BARX2: variants seen among roughly 807,000 people sequenced by gnomAD.
BARX2 encodes homeobox protein BarH-like 2.
Under a neutral mutation model 25.5 loss-of-function variants are expected in BARX2, and 11 were observed. The observed-to-expected ratio is 0.43, with a 90% confidence interval of 0.27 to 0.71. The LOEUF is 0.71. BARX2 is among the 30% of genes least tolerant of loss of function. The pLI, the probability that BARX2 is intolerant of heterozygous loss-of-function variation, is 0.19. For missense variants in BARX2, 360 were observed against 359.9 expected (o/e 1.00, Z 0.00); for synonymous variants, 137 against 149.5 (o/e 0.92, Z 0.61).
chr11:129,447,221 GC>G (rs1862341464), intron 3 of BARX2, among the ~76,000 whole-genome samples: 2 of 152,146 alleles, frequency 1.3e-5, no homozygotes, highest in Admixed American at 1.3e-4. Context: ...GACATTCCCT[GC>G]CCCCTACCCA....
At chr11:129,375,736 G>C (rs867175602), upstream of BARX2, among the ~76,000 whole-genome samples, 183 of 152,164 alleles carry the variant, frequency 1.2e-3, no homozygotes, top group African/African-American at 4.2e-3. This position sits in a 1 kb window ranked among gnomAD's most constrained non-coding sequence, Gnocchi z 4.0. Context: ...GCGGGCGGGG[G>C]CGGGGTGGGC....
At chr11:129,432,449 T>C (rs2135409480) in intron 1 of BARX2, among the ~76,000 whole-genome samples, 1 of 152,350 alleles carries the variant, frequency 6.6e-6, no homozygotes, top group Non-Finnish European at 1.5e-5. Context: ...AAACATCTTT[T>C]GACATAAAGG....
chr11:129,387,114 C>T (rs779289534), intron 1 of BARX2, among the ~76,000 whole-genome samples: 12 of 152,186 alleles, frequency 7.9e-5, no homozygotes, highest in Non-Finnish European at 1.2e-4. Context: ...CGCAGATAGT[C>T]GCACACTCTG....
intron 1 of BARX2, among the ~76,000 whole-genome samples, chr11:129,427,384 T>A (rs1437897369): frequency 6.6e-6 from 1 of 151,996 alleles, no homozygotes; most frequent in Non-Finnish European, 1.5e-5. Context: ...TGTGGGTGAT[T>A]TTATGTTTTT....
At chr11:129,443,036 T>G (rs1307758651) in intron 3 of BARX2, 117 bp downstream of exon 3, 2 of 850,638 alleles carry the variant, frequency 2.4e-6, no homozygotes, top group African/African-American at 3.3e-5. Context: ...TGGAAGGCCT[T>G]CTATGCTGCT....
chr11:129,433,956 G>A (rs1396458559), intron 1 of BARX2, among the ~76,000 whole-genome samples: 1 of 152,132 alleles, frequency 6.6e-6, no homozygotes, highest in Non-Finnish European at 1.5e-5. Context: ...GTAGCCCATA[G>A]TAGATGCTCA....
intron 1 of BARX2, among the ~76,000 whole-genome samples, chr11:129,427,684 G>A (rs1256284874): frequency 2.0e-5 from 3 of 152,178 alleles, no homozygotes; most frequent in Admixed American, 2.0e-4. Flanking sequence ...GCCCACAGGA[G>A]GTGTGTGAGG....
At chr11:129,449,367 G>A (rs1862369106) in intron 3 of BARX2, among the ~76,000 whole-genome samples, 1 of 152,150 alleles carries the variant, frequency 6.6e-6, no homozygotes, top group Non-Finnish European at 1.5e-5. Context: ...GTAATGGAGA[G>A]AAGCAGGGTT....
chr11:129,433,000 A>G (rs951465410), intron 1 of BARX2, among the ~76,000 whole-genome samples: 1 of 152,022 alleles, frequency 6.6e-6, no homozygotes, highest in Non-Finnish European at 1.5e-5. Flanking sequence ...TGGTGATCTC[A>G]TGCAATCCCA....
intron 1 of BARX2, among the ~76,000 whole-genome samples, chr11:129,377,357 A>G (rs964873401): frequency 1.3e-4 from 20 of 152,266 alleles, no homozygotes; most frequent in Admixed American, 1.3e-3. Flanking sequence ...ATCAGTAAAC[A>G]TATGATAAAT....
intron 1 of BARX2, among the ~76,000 whole-genome samples, chr11:129,398,670 C>G (rs1460573938): frequency 1.3e-5 from 2 of 152,060 alleles, no homozygotes; most frequent in African/African-American, 2.4e-5. Context: ...AATTTAGAAC[C>G]CTGTGTTTGA....
In BARX2 at chr11:129,436,728, C is replaced by T. The variant is rs770770089; in HGVS notation, c.188-23C>T. ...TCCCCACACCGTTCCCTGTGGTGAC[C>T]TGCCTCCCTGCTTGTTTTCCAGGCT... On this transcript the variant is annotated intron_variant, in intron 1 of 3. Coordinates refer to ENST00000281437, the MANE Select transcript of BARX2 (RefSeq NM_003658.5). This position sits in a 1 kb window ranked among gnomAD's most constrained non-coding sequence, Gnocchi z 4.5. 35 of 1,541,890 alleles carry T rather than the reference C, an allele frequency of 2.3e-5. No individual in the cohort carries two copies. The highest frequency in any genetic ancestry group is 3.0e-5 in the Non-Finnish European group (34 of 1,139,670).
intron 1 of BARX2, among the ~76,000 whole-genome samples, chr11:129,411,939 C>A (rs1031961510): frequency 2.0e-5 from 3 of 152,168 alleles, no homozygotes; most frequent in African/African-American, 7.2e-5. Context: ...ATTTAACATG[C>A]AAAATTTAAG....
At chr11:129,386,674 T>G (rs1861618998) in intron 1 of BARX2, among the ~76,000 whole-genome samples, 1 of 152,218 alleles carries the variant, frequency 6.6e-6, no homozygotes, top group Non-Finnish European at 1.5e-5. Flanking sequence ...GAAACTTTAT[T>G]CAGCCCAACA....
At chr11:129,403,135 G>T (rs1217919466) in intron 1 of BARX2, among the ~76,000 whole-genome samples, 1 of 152,216 alleles carries the variant, frequency 6.6e-6, no homozygotes, top group Non-Finnish European at 1.5e-5. Context: ...GCTTTACAGA[G>T]CTCCCAGCTC....
chr11:129,445,729 G>T (rs774351608), intron 3 of BARX2, among the ~76,000 whole-genome samples: 3 of 152,204 alleles, frequency 2.0e-5, no homozygotes, highest in African/African-American at 2.4e-5. Context: ...TCAGTCAAGT[G>T]CAGAAGACAC....
chr11:129,441,407 C>T (rs7122155), intron 2 of BARX2, among the ~76,000 whole-genome samples: 5,382 of 152,250 alleles, frequency 0.035, 312 homozygotes, highest in African/African-American at 0.12. Flanking sequence ...TGGTCTGTGA[C>T]AACTACCCAA....
At chr11:129,407,557 T>G (rs1428817287) in intron 1 of BARX2, among the ~76,000 whole-genome samples, 2 of 152,296 alleles carry the variant, frequency 1.3e-5, no homozygotes, top group Admixed American at 6.5e-5. Flanking sequence ...CATGTTTTAC[T>G]CATCCCCACT....
At chr11:129,382,515 A>G (rs1181658399) in intron 1 of BARX2, among the ~76,000 whole-genome samples, 1 of 152,174 alleles carries the variant, frequency 6.6e-6, no homozygotes, top group Non-Finnish European at 1.5e-5. Context: ...GTGAACGTGC[A>G]TGCTATGGAG....
Sources: gnomAD v4.1 joint callset for allele counts (sites outside exome capture counted in the v4.1 genomes callset) on GRCh38, gnomAD v4.1.1 for gene constraint, Gnocchi (gnomAD v3.1) non-coding constraint, MANE v1.5 for transcripts, NCBI Gene and HGNC (gene_info 2026-07-23, HGNC 2026-07-21) for gene names.